Variants in STAM observed in about 807,000 individuals in gnomAD.
The protein encoded by STAM is signal transducing adaptor molecule.
A neutral mutation model predicts 63.4 loss-of-function variants in STAM; 16 were observed. That is an observed-to-expected ratio of 0.25 (90% CI 0.17 to 0.38). STAM has a LOEUF of 0.38. Ranked by LOEUF, STAM falls within the 10% of genes least tolerant of loss-of-function variation. The pLI is 1.00. For missense variants in STAM, 636 were observed against 657.1 expected (o/e 0.97, Z 0.35); for synonymous variants, 238 against 223.9 (o/e 1.06, Z -0.56).
At chr10:17,660,272 A>G (rs1834111618) in intron 1 of STAM, among the ~76,000 whole-genome samples, 192 bp from the exon 2 acceptor site, 1 of 152,214 alleles carries the variant, frequency 6.6e-6, no homozygotes, top group South Asian at 2.1e-4. Flanking sequence ...CATTGTGAAT[A>G]GGGAAAATAA....
chr10:17,679,872 A>T (rs908989619), intron 2 of STAM, among the ~76,000 whole-genome samples: 1 of 151,504 alleles, frequency 6.6e-6, no homozygotes, highest in East Asian at 1.9e-4. Flanking sequence ...TTGTTGGCAT[A>T]AAGTTGTTCA....
chr10:17,688,150 A>G lies in STAM; in HGVS notation c.421A>G (p.Thr141Ala). 6.3e-7 allele frequency: 1 copy of G among 1,577,656 alleles called. No individual in the cohort carries two copies. The highest frequency in any genetic ancestry group is 8.6e-7 in the Non-Finnish European group (1 of 1,162,520). The change falls in exon 5 of 14, where the codon ACG becomes GCG. Residue 141 changes from threonine (T) to alanine (A), a missense_variant. Physicochemically the swap from Thr to Ala is moderately conservative, Grantham distance 58. Around this residue, in one of 3 missense-constraint regions of STAM, gnomAD observed 532 missense variants for 536.9 expected, o/e 0.99. Coordinates refer to ENST00000377524, the MANE Select transcript of STAM (RefSeq NM_003473.4). ...TAAGAACCTTAAGGAACAAGGAGTT[A>G]CGTTCCCAGCTATTGGCTCTCAGGT... is the stretch of plus-strand genomic sequence containing the variant. ...MIKNLKEQGV[T>A]FPAIGSQAAE...
intron 1 of STAM, among the ~76,000 whole-genome samples, chr10:17,654,035 T>C (rs1382568653): frequency 6.6e-6 from 1 of 152,166 alleles, no homozygotes; most frequent in Non-Finnish European, 1.5e-5. Context: ...CCAGAGCTTG[T>C]GTCTGAGGTT....
chr10:17,704,948 T>C (rs1836190043), intron 10 of STAM, 22 bp from the exon 11 acceptor site: 1 of 1,604,268 alleles, frequency 6.2e-7, no homozygotes. Context: ...TTCTTATATT[T>C]CTTCACATCT....
intron 2 of STAM, among the ~76,000 whole-genome samples, chr10:17,665,396 C>T (rs2131591371): frequency 6.6e-6 from 1 of 152,214 alleles, no homozygotes; most frequent in East Asian, 1.9e-4. Flanking sequence ...TCGCTGCTCT[C>T]ATCTTCTATA....
At chr10:17,654,927 G>A (rs1833881511) in intron 1 of STAM, among the ~76,000 whole-genome samples, 2 of 152,146 alleles carry the variant, frequency 1.3e-5, no homozygotes, top group African/African-American at 4.8e-5. Flanking sequence ...TCACAAAGTA[G>A]TCTGTATTTC....
At chr10:17,695,987 G>C (rs1420213868) in intron 7 of STAM, 1 of 152,120 alleles carries the variant, frequency 6.6e-6, no homozygotes, top group Non-Finnish European at 1.5e-5. Context: ...ATTTTGCTGT[G>C]TCCTCCCATG....
intron 8 of STAM, among the ~76,000 whole-genome samples, chr10:17,698,115 T>A (rs1300156969): frequency 6.6e-6 from 1 of 152,180 alleles, no homozygotes; most frequent in Non-Finnish European, 1.5e-5. Flanking sequence ...TACAGATCTT[T>A]AAGAAAATGG....
chr10:17,694,790 G>A (rs1422544225), intron 6 of STAM: 2 of 320,818 alleles, frequency 6.2e-6, no homozygotes, highest in Non-Finnish European at 1.1e-5. Flanking sequence ...TTATTACCCA[G>A]AATAATTTAC....
At chr10:17,693,183 A>C (rs368790325) in intron 5 of STAM, 39 bp from the exon 6 acceptor site, 29 of 1,583,210 alleles carry the variant, frequency 1.8e-5, no homozygotes, top group Admixed American at 1.7e-5. Context: ...GGAGAATTTG[A>C]TAACAACCCT....
At chr10:17,673,066 A>G in intron 2 of STAM, 2 of 984,842 alleles carry the variant, frequency 2.0e-6, no homozygotes, top group South Asian at 9.4e-5. Flanking sequence ...GGATTTGCCC[A>G]CCCTTTAAAC....
intron 9 of STAM, among the ~76,000 whole-genome samples, chr10:17,701,284 A>G (rs1835983350): frequency 6.6e-6 from 1 of 152,270 alleles, no homozygotes; most frequent in South Asian, 2.1e-4. Flanking sequence ...AATAAAAAGT[A>G]TGTTTGTGGT....
intron 1 of STAM, among the ~76,000 whole-genome samples, chr10:17,650,879 C>A (rs1194252705): frequency 2.0e-5 from 3 of 152,022 alleles, no homozygotes; most frequent in Non-Finnish European, 2.9e-5. Flanking sequence ...TCCTGGCTAA[C>A]ATGGTGAAAC....
At chr10:17,699,852 T>A (rs1274465182) in intron 8 of STAM, among the ~76,000 whole-genome samples, 1 of 152,244 alleles carries the variant, frequency 6.6e-6, no homozygotes, top group Non-Finnish European at 1.5e-5. Context: ...AGAATTCACT[T>A]AGGCCATTGT....
At chr10:17,665,330 A>G (rs1834332075) in intron 2 of STAM, among the ~76,000 whole-genome samples, 3 of 152,188 alleles carry the variant, frequency 2.0e-5, no homozygotes, top group Non-Finnish European at 4.4e-5. Flanking sequence ...ACATGGCTCA[A>G]ATGTTAAAAC....
chr10:17,683,136 C>T (rs1554825638), intron 2 of STAM, among the ~76,000 whole-genome samples: 1 of 152,014 alleles, frequency 6.6e-6, no homozygotes, highest in African/African-American at 2.4e-5. Flanking sequence ...GTGTATCAAT[C>T]AAATGGTTTT....
At chr10:17,666,387 ATTTTT>A (rs10673746) in intron 2 of STAM, among the ~76,000 whole-genome samples, 5 of 85,920 alleles carry the variant, frequency 5.8e-5, no homozygotes, top group African/African-American at 2.5e-4. Context: ...TTGGCTTTGT[ATTTTT>A]TTTTTTTTTT....
At chr10:17,660,329 T>C (rs575100807) in intron 1 of STAM, 135 bp from the exon 2 acceptor site, 1 of 529,112 alleles carries the variant, frequency 1.9e-6, no homozygotes, top group East Asian at 3.2e-5. Context: ...GCCATGAAAA[T>C]AACTAGAATG....
At chr10:17,705,820 C>T (rs1299747686) in intron 12 of STAM, 79 bp downstream of exon 12, 15 of 1,404,546 alleles carry the variant, frequency 1.1e-5, no homozygotes, top group Non-Finnish European at 1.4e-5. Flanking sequence ...GTAATCTCAG[C>T]AATTTGGGAG....
Sources: gnomAD v4.1 joint callset for allele counts (sites outside exome capture counted in the v4.1 genomes callset) on GRCh38, gnomAD v4.1.1 for gene constraint, gnomAD v4.1.1 regional missense constraint, MANE v1.5 for transcripts, NCBI Gene and HGNC (gene_info 2026-07-23, HGNC 2026-07-21) for gene names.